PHF24: variants seen among roughly 807,000 people sequenced by gnomAD.
The protein encoded by PHF24 is Galpha inhibitory interacting protein.
A neutral mutation model predicts 42.6 loss-of-function variants in PHF24; 25 were observed. That is an observed-to-expected ratio of 0.59 (90% CI 0.43 to 0.82). PHF24 has a LOEUF of 0.82. Among genes scored for constraint, PHF24 ranks in the 40% least tolerant of loss-of-function variants. The pLI is 0.00. For missense variants in PHF24, 470 were observed against 538.1 expected (o/e 0.87, Z 1.25); for synonymous variants, 185 against 204.8 (o/e 0.90, Z 0.83).
chr9:34,930,896 G>T, the PHF24 span, among the ~76,000 whole-genome samples: 1 of 152,322 alleles, frequency 6.6e-6, no homozygotes, highest in African/African-American at 2.4e-5. Flanking sequence ...GTCTGGATTT[G>T]TGTCCCGGCC....
At chr9:34,805,451 T>A in the PHF24 span, among the ~76,000 whole-genome samples, 3 of 152,260 alleles carry the variant, frequency 2.0e-5, no homozygotes, top group Admixed American at 1.3e-4. Flanking sequence ...ATTTCTCTGA[T>A]GACTAATGAT....
the PHF24 span, among the ~76,000 whole-genome samples, chr9:34,765,997 A>T: frequency 6.6e-6 from 1 of 151,904 alleles, no homozygotes; most frequent in South Asian, 2.1e-4. Context: ...TGGGTTGAAA[A>T]TTCTTTTCTT....
At chr9:34,815,493 T>G in the PHF24 span, among the ~76,000 whole-genome samples, 1 of 152,142 alleles carries the variant, frequency 6.6e-6, no homozygotes, top group Non-Finnish European at 1.5e-5. Flanking sequence ...CAGCTAATTT[T>G]TTGTATTTTT....
At chr9:34,939,965 C>CT in the PHF24 span, among the ~76,000 whole-genome samples, 1 of 152,146 alleles carries the variant, frequency 6.6e-6, no homozygotes, top group Non-Finnish European at 1.5e-5. Context: ...AATACCGCCA[C>CT]TTTAAGTTCC....
At chr9:34,890,603 G>A in the PHF24 span, among the ~76,000 whole-genome samples, 3 of 152,158 alleles carry the variant, frequency 2.0e-5, no homozygotes, top group African/African-American at 7.2e-5. Context: ...GGGGCCCATG[G>A]GATGCCTGGT....
the PHF24 span, among the ~76,000 whole-genome samples, chr9:34,685,528 C>T: frequency 6.6e-6 from 1 of 152,178 alleles, no homozygotes; most frequent in Non-Finnish European, 1.5e-5. Flanking sequence ...CTCTTTCTAG[C>T]AAGCTGAGCT....
At chr9:34,695,585 G>T in the PHF24 span, among the ~76,000 whole-genome samples, 1 of 152,162 alleles carries the variant, frequency 6.6e-6, no homozygotes, top group Non-Finnish European at 1.5e-5. Context: ...AAGTAGGGGG[G>T]CAGTCTTGTG....
the PHF24 span, among the ~76,000 whole-genome samples, chr9:34,754,207 G>A: frequency 6.6e-6 from 1 of 152,064 alleles, no homozygotes; most frequent in African/African-American, 2.4e-5. Flanking sequence ...AATCAACAAA[G>A]TGAAGAGACA....
At chr9:34,762,971 T>C in the PHF24 span, among the ~76,000 whole-genome samples, 1 of 152,180 alleles carries the variant, frequency 6.6e-6, no homozygotes, top group Non-Finnish European at 1.5e-5. Context: ...TCCCCATTGC[T>C]TGTTTTTCTC....
At chr9:34,835,095 C>G in the PHF24 span, 1 of 1,525,080 alleles carries the variant, frequency 6.6e-7, no homozygotes, top group African/African-American at 1.5e-5. Flanking sequence ...GCTTTAAGGG[C>G]TGGAGAGGGC....
chr9:34,895,432 A>G, the PHF24 span: 4 of 397,126 alleles, frequency 1.0e-5, no homozygotes, highest in African/African-American at 8.2e-5. Flanking sequence ...GCTGCCAACC[A>G]GAATAATCAC....
At chr9:34,755,997 C>T in the PHF24 span, among the ~76,000 whole-genome samples, 2 of 152,090 alleles carry the variant, frequency 1.3e-5, no homozygotes, top group African/African-American at 2.4e-5. Context: ...ATTCATAAAA[C>T]GTATTACCAG....
At chr9:34,892,188 A>G in the PHF24 span, among the ~76,000 whole-genome samples, 1 of 152,186 alleles carries the variant, frequency 6.6e-6, no homozygotes, top group Non-Finnish European at 1.5e-5. Flanking sequence ...AGAAGCTGAA[A>G]GAGAGGAGAG....
At chr9:34,966,426 A>C (rs1294728010) in intron 1 of PHF24, among the ~76,000 whole-genome samples, 7 of 152,196 alleles carry the variant, frequency 4.6e-5, no homozygotes, top group Admixed American at 2.6e-4. Context: ...TCTCTTTAAA[A>C]ATTTTTCAAA....
At chr9:34,822,250 A>G in the PHF24 span, among the ~76,000 whole-genome samples, 11 of 152,322 alleles carry the variant, frequency 7.2e-5, no homozygotes, top group African/African-American at 2.6e-4. Flanking sequence ...CTTGGTGTAT[A>G]TCCAGATTAC....
chr9:34,806,528 G>A, the PHF24 span, among the ~76,000 whole-genome samples: 3 of 151,960 alleles, frequency 2.0e-5, no homozygotes, highest in Non-Finnish European at 4.4e-5. Flanking sequence ...GCACGATCTC[G>A]GCTCACTGAG....
the PHF24 span, among the ~76,000 whole-genome samples, chr9:34,741,021 A>C: frequency 2.0e-5 from 3 of 151,534 alleles, no homozygotes; most frequent in African/African-American, 7.3e-5. Flanking sequence ...GAGTAGCTGG[A>C]ATTACAGGTT....
the PHF24 span, among the ~76,000 whole-genome samples, chr9:34,906,249 C>T: frequency 5.3e-5 from 8 of 152,056 alleles, 1 homozygote; most frequent in East Asian, 1.2e-3. Context: ...GTGCCTGCCT[C>T]AGTTGGATTA....
chr9:34,948,193 C>T, the PHF24 span, among the ~76,000 whole-genome samples: 2 of 150,972 alleles, frequency 1.3e-5, no homozygotes, highest in Non-Finnish European at 3.0e-5. Flanking sequence ...TACAGCTGTA[C>T]AATGTGTGTT....
Sources: gnomAD v4.1 joint callset for allele counts (sites outside exome capture counted in the v4.1 genomes callset) on GRCh38, gnomAD v4.1.1 for gene constraint, MANE v1.5 for transcripts, NCBI Gene and HGNC (gene_info 2026-07-23, HGNC 2026-07-21) for gene names.